The following THSD7B variants were observed in gnomAD, a reference collection of about 807,000 sequenced individuals.
THSD7B encodes thrombospondin type-1 domain-containing protein 7B.
THSD7B carries 138 observed loss-of-function variants against 213.6 expected under a neutral mutation model. The ratio of observed to expected loss-of-function variants is 0.65; its 90% CI spans 0.56 to 0.74. The LOEUF is 0.74. THSD7B is among the 30% of genes least tolerant of loss of function. The pLI is 0.00. For missense variants in THSD7B, 1,931 were observed against 1,991.5 expected (o/e 0.97, Z 0.58); for synonymous variants, 742 against 687.0 (o/e 1.08, Z -1.25).
intron 5 of THSD7B, among the ~76,000 whole-genome samples, chr2:137,122,018 G>A (rs977408861): frequency 6.6e-6 from 1 of 152,130 alleles, no homozygotes; most frequent in Non-Finnish European, 1.5e-5. Context: ...TGTGGGGAAA[G>A]ATTGGGAAGG....
chr2:137,272,632 G>A lies in THSD7B; in HGVS notation c.2366G>A (p.Cys789Tyr), dbSNP rs1234637465. Reference sequence around the variant, plus strand: ...GATACCTTATATGAGGAGAGAGAGTGTGAAGATGTTTCCTTGTGTCCTGTA... The same window carrying A: ...GATACCTTATATGAGGAGAGAGAGTATGAAGATGTTTCCTTGTGTCCTGTA... ...CPDTLYEERECEDVSLCPVYR... is the reference protein window; with the variant it reads ...CPDTLYEEREYEDVSLCPVYR... The change falls in exon 11 of 28, where the codon TGT (cysteine) becomes TAT (tyrosine). Residue 789 changes from cysteine (C) to tyrosine (Y), a missense_variant. Transcript: ENST00000409968. 2 of 1,612,184 alleles carry A rather than the reference G, an allele frequency of 1.2e-6. No homozygotes were observed. The highest frequency in any genetic ancestry group is 2.7e-5 in the African/African-American group (2 of 74,950).
intron 10 of THSD7B, among the ~76,000 whole-genome samples, chr2:137,259,508 C>A (rs2105081064): frequency 6.6e-6 from 1 of 152,176 alleles, no homozygotes; most frequent in African/African-American, 2.4e-5. Flanking sequence ...CTGTTTATAT[C>A]CTTTGCCCAC....
intron 7 of THSD7B, among the ~76,000 whole-genome samples, chr2:137,201,493 T>C (rs1268465983): frequency 6.6e-6 from 1 of 152,192 alleles, no homozygotes; most frequent in Non-Finnish European, 1.5e-5. Context: ...GAAATCTCCA[T>C]AGTTTTTCTA....
chr2:137,588,426 C>T (rs1681789899), intron 17 of THSD7B, among the ~76,000 whole-genome samples: 1 of 151,912 alleles, frequency 6.6e-6, no homozygotes, highest in Non-Finnish European at 1.5e-5. Context: ...CTGCATCACT[C>T]ATGCTGGGCT....
intron 5 of THSD7B, among the ~76,000 whole-genome samples, chr2:137,126,872 T>C (rs1399565062): frequency 6.6e-6 from 1 of 152,114 alleles, no homozygotes; most frequent in Non-Finnish European, 1.5e-5. Flanking sequence ...ATTTCAATAT[T>C]GTGTCTCCAG....
At chr2:137,306,611 G>A (rs1033708347) in intron 12 of THSD7B, among the ~76,000 whole-genome samples, 1 of 151,986 alleles carries the variant, frequency 6.6e-6, no homozygotes, top group African/African-American at 2.4e-5. Flanking sequence ...AAACTTACAT[G>A]TATCTTCTAG....
chr2:137,508,450 C>T (rs900466776), intron 15 of THSD7B, among the ~76,000 whole-genome samples: 2 of 148,350 alleles, frequency 1.3e-5, no homozygotes, highest in Admixed American at 1.4e-4. Flanking sequence ...GATCTCTGCT[C>T]ACTGCAAGCT....
intron 15 of THSD7B, among the ~76,000 whole-genome samples, chr2:137,532,326 T>C (rs1313231091): frequency 6.6e-6 from 1 of 151,862 alleles, no homozygotes; most frequent in Non-Finnish European, 1.5e-5. Context: ...AAAACAGAAA[T>C]TCTTTGATCT....
At chr2:137,477,624 T>C (rs1012710162) in intron 15 of THSD7B, among the ~76,000 whole-genome samples, 2 of 152,062 alleles carry the variant, frequency 1.3e-5, no homozygotes, top group Admixed American at 6.5e-5. Flanking sequence ...TTTTTTATCA[T>C]TGCAGTTTGG....
intron 1 of THSD7B, among the ~76,000 whole-genome samples, chr2:136,797,103 A>C (rs1242538856): frequency 1.3e-5 from 2 of 151,862 alleles, no homozygotes; most frequent in Non-Finnish European, 2.9e-5. Flanking sequence ...TTTTATAGAA[A>C]CCAAATTTTG....
chr2:137,144,058 T>C lies in THSD7B; in HGVS notation c.1370-16155T>C, dbSNP rs183495574. On this transcript the variant is annotated intron_variant, in intron 5 of 27. Transcript: ENST00000409968. Reference sequence around the variant, plus strand: ...GGTACTTATGTTTTAAGATTGCACATGGGTAGGGCAACAGACAGCATAAAC... The same window carrying C: ...GGTACTTATGTTTTAAGATTGCACACGGGTAGGGCAACAGACAGCATAAAC... Among the ~76,000 whole-genome samples, 558 of 152,142 alleles carry C rather than the reference T, an allele frequency of 3.7e-3. 6 individuals carry two copies. Among genetic ancestry groups the C allele is most frequent in the Admixed American group, 5.9e-3 (90 of 15,238 alleles).
intron 12 of THSD7B, among the ~76,000 whole-genome samples, chr2:137,374,302 T>C (rs1177260823): frequency 1.3e-5 from 2 of 152,188 alleles, no homozygotes; most frequent in African/African-American, 4.8e-5. Context: ...CTTGACTTTC[T>C]CTATTCTGCC....
chr2:137,349,214 A>G (rs1354904269), intron 12 of THSD7B, among the ~76,000 whole-genome samples: 1 of 151,716 alleles, frequency 6.6e-6, no homozygotes, highest in Non-Finnish European at 1.5e-5. Flanking sequence ...GTAAGCAATC[A>G]TGGGCATCTT....
At chr2:137,561,270 C>T (rs1410955895) in intron 15 of THSD7B, among the ~76,000 whole-genome samples, 1 of 152,098 alleles carries the variant, frequency 6.6e-6, no homozygotes, top group Non-Finnish European at 1.5e-5. Context: ...GTACATGCAA[C>T]TAAACAAACA....
chr2:137,505,496 C>T lies in THSD7B; in HGVS notation c.3138+54473C>T, dbSNP rs549857969. 8.7e-4 allele frequency among the ~76,000 whole-genome samples: 133 copies of T among 152,256 alleles called. 1 individual carries two copies. The highest frequency in any genetic ancestry group is 1.4e-3 in the Non-Finnish European group (94 of 68,026). On this transcript the variant is annotated intron_variant, in intron 15 of 27. Coordinates refer to ENST00000409968, the MANE Select transcript of THSD7B (RefSeq NM_001316349.2). ...ACTGGCAACCTGGGAAGCCCAGTTCCGCAGAGCTTTTGTACCAGCCCAACT... is the reference window on the plus strand; with the variant it reads ...ACTGGCAACCTGGGAAGCCCAGTTCTGCAGAGCTTTTGTACCAGCCCAACT...
chr2:137,298,540 G>A (rs1046829557), intron 12 of THSD7B, among the ~76,000 whole-genome samples: 6 of 150,664 alleles, frequency 4.0e-5, no homozygotes, highest in Non-Finnish European at 7.4e-5. Context: ...CCATGTCAGA[G>A]ACTTTTCATG....
chr2:136,798,149 A>G (rs1357127991), intron 1 of THSD7B, among the ~76,000 whole-genome samples: 1 of 151,876 alleles, frequency 6.6e-6, no homozygotes, highest in Non-Finnish European at 1.5e-5. Context: ...TATACCTTTT[A>G]TTCAAACCTG....
chr2:137,354,724 T>C (rs1558767623), intron 12 of THSD7B, among the ~76,000 whole-genome samples: 1 of 152,106 alleles, frequency 6.6e-6, no homozygotes, highest in Non-Finnish European at 1.5e-5. Context: ...TTTTGTATTA[T>C]GAAATTTAGA....
intron 2 of THSD7B, among the ~76,000 whole-genome samples, chr2:136,922,284 A>G (rs1443486160): frequency 6.6e-6 from 1 of 152,170 alleles, no homozygotes; most frequent in African/African-American, 2.4e-5. Context: ...ATATAATTAT[A>G]TATTACAATT....
Sources: gnomAD v4.1 joint callset for allele counts (sites outside exome capture counted in the v4.1 genomes callset) on GRCh38, gnomAD v4.1.1 for gene constraint, MANE v1.5 for transcripts, NCBI Gene and HGNC (gene_info 2026-07-23, HGNC 2026-07-21) for gene names.